CCDC14: variants seen among roughly 807,000 people sequenced by gnomAD.
CCDC14 encodes the protein coiled-coil domain-containing protein 14.
CCDC14 carries 71 observed loss-of-function variants against 81.4 expected under a neutral mutation model. That is an observed-to-expected ratio of 0.87 (90% CI 0.72 to 1.06). The LOEUF is 1.06. Among genes scored for constraint, CCDC14 ranks in the 50% least tolerant of loss-of-function variants. The pLI is 0.00. For synonymous variants in CCDC14, 332 were observed against 364.8 expected (o/e 0.91, Z 1.03); for missense variants, 1,046 against 1,047.3 (o/e 1.00, Z 0.02).
intron 9 of CCDC14, among the ~76,000 whole-genome samples, chr3:123,941,606 A>G (rs2036353614): frequency 1.3e-5 from 2 of 152,054 alleles, no homozygotes; most frequent in Admixed American, 1.3e-4. Context: ...TAAAAAGAAC[A>G]TATCTAATAA....
Position 123,913,739 on chromosome 3 carries a change from T to C in CCDC14, c.*1040A>G. 5.1e-6 allele frequency: 5 copies of C among 983,708 alleles called. No individual in the cohort carries two copies. The highest frequency in any genetic ancestry group is 3.6e-6 in the Non-Finnish European group (3 of 829,706). 60.9% of individuals were successfully genotyped at this position (983,708 alleles called of 1,614,324 possible). A position where few individuals can be genotyped will look rare whatever the true frequency, so the allele number is the denominator to read the frequency against. ...AGGTTCTGGGATTAGGAGAACACTC[T>C]TTAATGATAAAGCCTGTCCAAGTAC... On this transcript the variant is annotated 3_prime_UTR_variant, in exon 13 of 13. Coordinates refer to ENST00000409697, the MANE Select transcript of CCDC14 (RefSeq NM_001366335.1).
At chr3:123,885,733 T>C in the CCDC14 span, among the ~76,000 whole-genome samples, 4,930 of 152,306 alleles carry the variant, frequency 0.032, 255 homozygotes, top group African/African-American at 0.11. Context: ...TACATGATCA[T>C]GATGTCTGGT....
chr3:123,936,156 G>C (rs2700385), intron 9 of CCDC14, among the ~76,000 whole-genome samples: 123,969 of 152,086 alleles, frequency 0.82, 51,072 homozygotes, highest in African/African-American at 0.93. Flanking sequence ...AACTGTACAA[G>C]TAGCTACTTT....
Position 123,956,488 on chromosome 3 carries a change from G to C in CCDC14, c.87-61C>G. On this transcript the variant is annotated intron_variant, in intron 2 of 12. Transcript: ENST00000409697. ...TTTTCCCAAAATATATTAGTAAGTA[G>C]TCATTTTCTTTCCAGCAAAGACAAG... 2.5e-6 allele frequency: 3 copies of C among 1,188,142 alleles called. No homozygotes were observed. The East Asian group carries it at 7.8e-5, about 31-fold the overall frequency. The allele number at this position is 1,188,142 out of a possible 1,614,324, so 73.6% of individuals were successfully genotyped here. A position where few individuals can be genotyped will look rare whatever the true frequency, so the allele number is the denominator to read the frequency against.
At chr3:123,958,502 G>A (rs1313829188) in intron 1 of CCDC14, 1 of 151,888 alleles carries the variant, frequency 6.6e-6, no homozygotes, top group African/African-American at 2.4e-5. Context: ...ATAGTACAAA[G>A]ATGCCCTATA....
intron 7 of CCDC14, among the ~76,000 whole-genome samples, chr3:123,948,153 G>A (rs1238916984): frequency 6.6e-6 from 1 of 151,760 alleles, no homozygotes; most frequent in Non-Finnish European, 1.5e-5. Flanking sequence ...GGTCAGTATG[G>A]TTGATTTTTT....
intron 1 of CCDC14, among the ~76,000 whole-genome samples, chr3:123,959,351 T>C (rs2037533441): frequency 6.6e-6 from 1 of 152,234 alleles, no homozygotes; most frequent in African/African-American, 2.4e-5. Flanking sequence ...GATAGCTCAT[T>C]GTGGTTTTAA....
chr3:123,917,712 A>T (rs1249299518), intron 12 of CCDC14, among the ~76,000 whole-genome samples: 1 of 152,104 alleles, frequency 6.6e-6, no homozygotes, highest in East Asian at 1.9e-4. Flanking sequence ...CTGTTAGAGA[A>T]GCCTGGAGAG....
intron 5 of CCDC14, among the ~76,000 whole-genome samples, chr3:123,907,559 A>C (rs2034340275): frequency 6.6e-6 from 1 of 151,822 alleles, no homozygotes; most frequent in Admixed American, 6.6e-5. Context: ...AAAAAAAAAA[A>C]TCAAAAAAAT....
chr3:123,885,922 A>G, the CCDC14 span, among the ~76,000 whole-genome samples: 1 of 152,180 alleles, frequency 6.6e-6, no homozygotes, highest in Non-Finnish European at 1.5e-5. Flanking sequence ...GAAAGGCACG[A>G]TGAATACCTG....
intron 9 of CCDC14, among the ~76,000 whole-genome samples, chr3:123,937,400 C>T (rs2036112271): frequency 6.6e-6 from 1 of 151,974 alleles, no homozygotes; most frequent in South Asian, 2.1e-4. Flanking sequence ...TTTTAATTTT[C>T]ACTTTCCTAA....
chr3:123,942,253 T>C (rs931257549), intron 9 of CCDC14, among the ~76,000 whole-genome samples: 2 of 152,074 alleles, frequency 1.3e-5, no homozygotes, highest in African/African-American at 2.4e-5. Context: ...ATAGCACCTA[T>C]TTCACAAAGC....
downstream of CCDC14, among the ~76,000 whole-genome samples, chr3:123,893,636 T>G (rs2034020074): frequency 2.0e-5 from 3 of 152,174 alleles, no homozygotes; most frequent in Admixed American, 1.3e-4. Flanking sequence ...TTAACTTTTT[T>G]GAGAAACCAC....
chr3:123,887,047 T>G, the CCDC14 span, among the ~76,000 whole-genome samples: 2 of 152,174 alleles, frequency 1.3e-5, no homozygotes, highest in Non-Finnish European at 2.9e-5. Context: ...AATAATAATC[T>G]CAGAATAACA....
downstream of CCDC14, among the ~76,000 whole-genome samples, chr3:123,911,370 C>A (rs1362858883): frequency 6.6e-6 from 1 of 152,008 alleles, no homozygotes; most frequent in East Asian, 1.9e-4. Flanking sequence ...AGTCTTAGAA[C>A]CCACATGTTT....
the CCDC14 span, among the ~76,000 whole-genome samples, chr3:123,885,426 C>T: frequency 6.6e-6 from 1 of 151,838 alleles, no homozygotes; most frequent in South Asian, 2.1e-4. Context: ...ACTTCTGCTG[C>T]TTTTGTTTTT....
chr3:123,919,123 G>A (rs2034890758), intron 12 of CCDC14, among the ~76,000 whole-genome samples: 1 of 152,146 alleles, frequency 6.6e-6, no homozygotes, highest in African/African-American at 2.4e-5. Flanking sequence ...AGAGGCAAGT[G>A]CACATTAGCA....
downstream of CCDC14, among the ~76,000 whole-genome samples, chr3:123,908,950 T>G (rs928621594): frequency 6.6e-6 from 1 of 152,200 alleles, no homozygotes; most frequent in Non-Finnish European, 1.5e-5. Flanking sequence ...CTAATCATAT[T>G]GACTGACCTA....
intron 6 of CCDC14, 35 bp downstream of exon 6, chr3:123,948,861 T>C (rs2036830484): frequency 6.3e-7 from 1 of 1,593,592 alleles, no homozygotes; most frequent in African/African-American, 1.3e-5. Context: ...AATTAGAACT[T>C]ACACTCACGA....
Sources: gnomAD v4.1 joint callset for allele counts (sites outside exome capture counted in the v4.1 genomes callset) on GRCh38, gnomAD v4.1.1 for gene constraint, MANE v1.5 for transcripts, NCBI Gene and HGNC (gene_info 2026-07-23, HGNC 2026-07-21) for gene names.